Variants in TRIO observed in about 807,000 individuals in gnomAD.
The protein encoded by TRIO is trio Rho guanine nucleotide exchange factor.
TRIO carries 58 observed loss-of-function variants against 351.9 expected under a neutral mutation model. The observed-to-expected ratio is 0.16, with a 90% CI of 0.13 to 0.21. TRIO has a LOEUF of 0.21. Ranked by LOEUF, TRIO falls within the 10% of genes least tolerant of loss-of-function variation. The pLI, the probability that TRIO is intolerant of heterozygous loss-of-function variation, is 1.00. For synonymous variants in TRIO, 1,758 were observed against 1,595.7 expected (o/e 1.10, Z -2.42); for missense variants, 3,201 against 4,027.8 (o/e 0.79, Z 5.56).
chr5:14,287,253 T>C, intron 4 of TRIO, 190 bp downstream of exon 4: 1 of 642,034 alleles, frequency 1.6e-6, no homozygotes, highest in Non-Finnish European at 2.6e-6. Flanking sequence ...GAGTGGATTG[T>C]TTTACCCACA....
intron 1 of TRIO, among the ~76,000 whole-genome samples, chr5:14,154,100 C>T (rs1043886273): frequency 7.2e-5 from 11 of 152,132 alleles, no homozygotes; most frequent in African/African-American, 2.7e-4. Flanking sequence ...TTTACAGGCT[C>T]CCCCGGCTCA....
At chr5:14,494,701 C>T (rs1756745969) in intron 49 of TRIO, among the ~76,000 whole-genome samples, 1 of 152,086 alleles carries the variant, frequency 6.6e-6, no homozygotes, top group Non-Finnish European at 1.5e-5. Context: ...GAGTTCGAGA[C>T]CAGCCTGACA....
intron 1 of TRIO, among the ~76,000 whole-genome samples, chr5:14,246,706 C>T (rs369302937): frequency 2.6e-4 from 40 of 152,306 alleles, no homozygotes; most frequent in Middle Eastern, 3.4e-3. Context: ...CCTGTGGCTT[C>T]TCCATCTGGG....
intron 47 of TRIO, among the ~76,000 whole-genome samples, 197 bp from the exon 48 acceptor site, chr5:14,487,267 C>T (rs1439011152): frequency 1.3e-5 from 2 of 152,160 alleles, no homozygotes; most frequent in Non-Finnish European, 2.9e-5. Flanking sequence ...GCCCCTTCCA[C>T]CCGCTGCACT....
chr5:14,355,515 T>C (rs1743542876), intron 11 of TRIO, among the ~76,000 whole-genome samples: 1 of 152,230 alleles, frequency 6.6e-6, no homozygotes, highest in Non-Finnish European at 1.5e-5. Flanking sequence ...AGTGATCTTT[T>C]AGGTCACACA....
chr5:14,212,974 T>C (rs1358333625), intron 1 of TRIO, among the ~76,000 whole-genome samples: 1 of 152,220 alleles, frequency 6.6e-6, no homozygotes, highest in Admixed American at 6.5e-5. Context: ...CGGATCTGAT[T>C]TGTAATTTCT....
intron 1 of TRIO, among the ~76,000 whole-genome samples, chr5:14,248,101 C>T (rs1381551575): frequency 2.6e-5 from 4 of 151,990 alleles, no homozygotes; most frequent in East Asian, 1.9e-4. Flanking sequence ...GACCACTGCC[C>T]CTTCTTTGCA....
At chr5:14,236,764 T>A (rs1793790810) in intron 1 of TRIO, among the ~76,000 whole-genome samples, 1 of 152,198 alleles carries the variant, frequency 6.6e-6, no homozygotes, top group African/African-American at 2.4e-5. Flanking sequence ...GTTCTGTGGC[T>A]TTTAGTATAT....
chr5:14,477,549 A>T (rs1280387969), intron 41 of TRIO, among the ~76,000 whole-genome samples: 1 of 152,234 alleles, frequency 6.6e-6, no homozygotes. Flanking sequence ...TTAGAAAAGG[A>T]TGAGTATTTT....
chr5:14,267,770 T>A (rs1795768368), intron 1 of TRIO, among the ~76,000 whole-genome samples: 1 of 152,162 alleles, frequency 6.6e-6, no homozygotes, highest in Non-Finnish European at 1.5e-5. Flanking sequence ...TATTGGTTTT[T>A]TTTTTAAATG....
intron 34 of TRIO, 65 bp downstream of exon 34, chr5:14,420,086 CG>C: frequency 6.4e-7 from 1 of 1,568,522 alleles, no homozygotes; most frequent in Admixed American, 1.7e-5. Flanking sequence ...GCTCTGTCTC[CG>C]CGCCTCTCCT....
intron 47 of TRIO, among the ~76,000 whole-genome samples, chr5:14,486,964 A>G (rs576380244): frequency 3.9e-5 from 6 of 152,230 alleles, no homozygotes; most frequent in South Asian, 2.1e-4. Flanking sequence ...TTTTTCTACA[A>G]TGAAGATGTA....
At chr5:14,370,103 TTTTCTTTC>T (rs575017203) in intron 18 of TRIO, among the ~76,000 whole-genome samples, 58 of 151,832 alleles carry the variant, frequency 3.8e-4, no homozygotes, top group Admixed American at 7.9e-4. Flanking sequence ...CTGCTTTTTC[TTTTCTTTC>T]TTTCTTTCTT....
Position 14,508,021 on chromosome 5 carries a change from CT to C in TRIO, c.8894del (p.Leu2965ProfsTer7). ...TGAATTCGCAGCCCCTGAAATCATC[CT>C]CGGGAACCCTGTCTCCCTGACCTCG... is the stretch of plus-strand genomic sequence containing the variant. ...NPEFAAPEII[L>X]GNPVSLTSDT... On this transcript the variant is annotated frameshift_variant, in exon 57 of 57. Transcript: ENST00000344204. LOFTEE classifies it high-confidence loss of function. 6.2e-7 allele frequency: 1 copy of C among 1,614,220 alleles called. No homozygotes were observed. Among genetic ancestry groups the C allele is most frequent in the Non-Finnish European group, 8.5e-7 (1 of 1,180,046 alleles).
intron 1 of TRIO, among the ~76,000 whole-genome samples, chr5:14,202,294 A>ATTTTTTTTTTTTTTTTT (rs60827656): frequency 6.0e-5 from 2 of 33,564 alleles, no homozygotes; most frequent in African/African-American, 1.0e-4. Context: ...TATTTTTGTG[A>ATTTTTTTTTTTTTTTTT]TTTTTTTTTT....
intron 49 of TRIO, among the ~76,000 whole-genome samples, chr5:14,495,820 T>C (rs1756854970): frequency 6.6e-6 from 1 of 151,338 alleles, no homozygotes; most frequent in Admixed American, 6.6e-5. Context: ...CAAAAAAAAA[T>C]AGCTGAGCGT....
intron 18 of TRIO, among the ~76,000 whole-genome samples, chr5:14,370,652 C>G (rs1745027254): frequency 1.3e-5 from 2 of 152,128 alleles, no homozygotes; most frequent in Non-Finnish European, 2.9e-5. Flanking sequence ...ACTTTGTGCT[C>G]CCACCACAGT....
At chr5:14,284,540 C>T (rs944603735) in intron 3 of TRIO, among the ~76,000 whole-genome samples, 8 of 152,166 alleles carry the variant, frequency 5.3e-5, no homozygotes, top group Non-Finnish European at 1.2e-4. Context: ...AATAGTTAAT[C>T]CTTCTGTAAA....
chr5:14,488,280 CG>C lies in TRIO; in HGVS notation c.7632+21del. The C allele has an allele frequency of 6.5e-7, 1 of 1,531,806 alleles. No individual in the cohort carries two copies. The highest frequency in any genetic ancestry group is 8.8e-7 in the Non-Finnish European group (1 of 1,142,568). The allele number at this position is 1,531,806 out of a possible 1,614,324, so 94.9% of individuals were successfully genotyped here. On this transcript the variant is annotated intron_variant, in intron 48 of 56. Coordinates refer to ENST00000344204, the MANE Select transcript of TRIO (RefSeq NM_007118.4). ...AACGGGGTAAGCGCGTCGGGGGGCC[CG>C]CGCCCTCCCGCCCCCCTGCCTCTGT...
Sources: allele counts gnomAD v4.1 joint callset (sites outside exome capture counted in the v4.1 genomes callset), GRCh38; gene constraint gnomAD v4.1.1; transcripts MANE v1.5; gene names NCBI Gene and HGNC (gene_info 2026-07-23, HGNC 2026-07-21).